CTIF: variants seen among roughly 807,000 people sequenced by gnomAD.
CTIF encodes CBP80/20-dependent translation initiation factor.
Under a neutral mutation model 66.0 loss-of-function variants are expected in CTIF, and 21 were observed. The observed-to-expected ratio is 0.32, with a 90% CI of 0.23 to 0.46. CTIF has a LOEUF of 0.46. Among genes scored for constraint, CTIF ranks in the 20% least tolerant of loss-of-function variants. The pLI is 1.00. For missense variants in CTIF, 739 were observed against 812.7 expected (o/e 0.91, Z 1.10); for synonymous variants, 345 against 326.4 (o/e 1.06, Z -0.62).
chr18:48,583,236 G>C (rs2089698390), intron 1 of CTIF, among the ~76,000 whole-genome samples: 1 of 152,214 alleles, frequency 6.6e-6, no homozygotes, highest in Admixed American at 6.5e-5. Flanking sequence ...CAGTGCTTTG[G>C]CCCTAAGAGT....
At chr18:48,786,427 T>C (rs1397106092) in intron 9 of CTIF, among the ~76,000 whole-genome samples, 3 of 152,206 alleles carry the variant, frequency 2.0e-5, no homozygotes, top group Non-Finnish European at 4.4e-5. Flanking sequence ...CCACTACTTA[T>C]AAGCTGTGTG....
chr18:48,735,729 C>T (rs771032629), intron 7 of CTIF, among the ~76,000 whole-genome samples: 1 of 152,138 alleles, frequency 6.6e-6, no homozygotes, highest in African/African-American at 2.4e-5. Flanking sequence ...GATTAAGTTT[C>T]CCCCATCAAA....
At chr18:48,637,220 T>C (rs1041196719) in intron 3 of CTIF, among the ~76,000 whole-genome samples, 3 of 152,202 alleles carry the variant, frequency 2.0e-5, no homozygotes, top group African/African-American at 4.8e-5. Flanking sequence ...CGCCAGAGCC[T>C]GCCACCTTTC....
intron 6 of CTIF, among the ~76,000 whole-genome samples, chr18:48,700,289 A>G (rs952617766): frequency 1.3e-5 from 2 of 152,238 alleles, no homozygotes; most frequent in Non-Finnish European, 2.9e-5. Flanking sequence ...AGGCCTCCCC[A>G]GCCATGTGGA....
intron 7 of CTIF, among the ~76,000 whole-genome samples, chr18:48,728,608 C>T (rs905496855): frequency 2.0e-5 from 3 of 152,114 alleles, no homozygotes; most frequent in South Asian, 2.1e-4. Flanking sequence ...TCCCAGCTCA[C>T]GGATGTGGTT....
chr18:48,705,570 C>T (rs1208201246), intron 6 of CTIF, among the ~76,000 whole-genome samples: 4 of 152,198 alleles, frequency 2.6e-5, no homozygotes, highest in African/African-American at 7.2e-5. Flanking sequence ...CTACCTCCTG[C>T]GGAGGGTGAG....
intron 7 of CTIF, among the ~76,000 whole-genome samples, chr18:48,715,401 T>C (rs1173780044): frequency 6.6e-6 from 1 of 152,232 alleles, no homozygotes; most frequent in East Asian, 1.9e-4. Context: ...GTGACATAAA[T>C]GTGCTAAATG....
chr18:48,696,950 C>A (rs2092017701), intron 6 of CTIF, among the ~76,000 whole-genome samples: 2 of 152,226 alleles, frequency 1.3e-5, no homozygotes, highest in African/African-American at 4.8e-5. Context: ...TCCTGGGGGA[C>A]CCAGGTCTTT....
chr18:48,709,987 T>TCC (rs892775563), intron 6 of CTIF, among the ~76,000 whole-genome samples: 4 of 152,218 alleles, frequency 2.6e-5, no homozygotes, highest in African/African-American at 4.8e-5. Flanking sequence ...TGGCCATAAC[T>TCC]CCAAGGTCCC....
intron 5 of CTIF, among the ~76,000 whole-genome samples, chr18:48,666,916 G>A (rs1043686137): frequency 6.6e-6 from 1 of 152,232 alleles, no homozygotes; most frequent in Non-Finnish European, 1.5e-5. Context: ...TCAGGAAGGG[G>A]TTGTGAGCAA....
At position 48,649,070 on chromosome 18, in the gene CTIF, A is replaced by G. The variant is rs62102956; in HGVS notation, c.252+12385A>G. 9.5e-3 allele frequency among the ~76,000 whole-genome samples: 1,453 copies of G among 152,242 alleles called. 15 individuals carry two copies. Among genetic ancestry groups the G allele is most frequent in the Middle Eastern group, 0.034 (10 of 294 alleles). On this transcript the variant is annotated intron_variant, in intron 3 of 11. Coordinates refer to ENST00000256413, the MANE Select transcript of CTIF (RefSeq NM_014772.3). Reference sequence around the variant, plus strand: ...AAGACAGGTGACTTCTGCATTTCCAACTGAGGCACCTGGTTCATCTCACTG... The same window carrying G: ...AAGACAGGTGACTTCTGCATTTCCAGCTGAGGCACCTGGTTCATCTCACTG...
chr18:48,545,360 G>A (rs1024403620), intron 1 of CTIF, among the ~76,000 whole-genome samples: 1 of 152,220 alleles, frequency 6.6e-6, no homozygotes, highest in African/African-American at 2.4e-5. Context: ...CTGGGAGCCA[G>A]GCGGCCATGG....
chr18:48,624,042 C>A (rs1346409719), intron 2 of CTIF, among the ~76,000 whole-genome samples: 1 of 150,854 alleles, frequency 6.6e-6, no homozygotes. Flanking sequence ...AACATCATAC[C>A]TCTCCCCATG....
intron 9 of CTIF, among the ~76,000 whole-genome samples, chr18:48,781,534 C>T (rs1300135696): frequency 2.0e-5 from 3 of 152,136 alleles, no homozygotes. Flanking sequence ...CATGCGTCTG[C>T]CGGCGAGGGT....
chr18:48,607,701 G>A (rs746222317), intron 1 of CTIF, among the ~76,000 whole-genome samples: 1 of 152,146 alleles, frequency 6.6e-6, no homozygotes, highest in African/African-American at 2.4e-5. Flanking sequence ...GGTGGTGGGG[G>A]CATTACAGGA....
At chr18:48,854,933 C>A (rs2146656020) in intron 10 of CTIF, among the ~76,000 whole-genome samples, 1 of 152,310 alleles carries the variant, frequency 6.6e-6, no homozygotes, top group South Asian at 2.1e-4. Flanking sequence ...TTCATCACCT[C>A]ACAAGTGCTG....
intron 9 of CTIF, among the ~76,000 whole-genome samples, chr18:48,771,635 C>T (rs528457472): frequency 4.6e-5 from 7 of 152,196 alleles, no homozygotes; most frequent in East Asian, 1.9e-4. Context: ...GCTGCCACGC[C>T]GAAGCAGGCC....
chr18:48,757,580 G>A (rs1434089813), intron 7 of CTIF, among the ~76,000 whole-genome samples: 1 of 152,246 alleles, frequency 6.6e-6, no homozygotes, highest in Non-Finnish European at 1.5e-5. Flanking sequence ...TGATGACAGA[G>A]TCAGAGGCAG....
intron 3 of CTIF, among the ~76,000 whole-genome samples, chr18:48,651,163 A>G (rs1343132402): frequency 6.6e-6 from 1 of 152,238 alleles, no homozygotes; most frequent in Non-Finnish European, 1.5e-5. Context: ...TTGAATGTAA[A>G]TGAGCTAAAT....
Sources: gnomAD v4.1 joint callset for allele counts (sites outside exome capture counted in the v4.1 genomes callset) on GRCh38, gnomAD v4.1.1 for gene constraint, MANE v1.5 for transcripts, NCBI Gene and HGNC (gene_info 2026-07-23, HGNC 2026-07-21) for gene names.